Variants in LRMDA observed in about 807,000 individuals in gnomAD.
LRMDA encodes the protein leucine-rich melanocyte differentiation-associated protein.
A neutral mutation model predicts 29.8 loss-of-function variants in LRMDA; 18 were observed. That is an observed-to-expected ratio of 0.60 (90% CI 0.42 to 0.90). The LOEUF (loss-of-function observed/expected upper bound fraction) is 0.90, where lower values mean the gene tolerates loss of function less well. LRMDA is among the 40% of genes least tolerant of loss of function. The pLI, the probability that LRMDA is intolerant of heterozygous loss-of-function variation, is 0.00. For missense variants in LRMDA, 273 were observed against 273.9 expected (o/e 1.00, Z 0.02); for synonymous variants, 125 against 109.4 (o/e 1.14, Z -0.89).
At chr10:75,597,908 C>T (rs988280298) in intron 2 of LRMDA, among the ~76,000 whole-genome samples, 3 of 152,020 alleles carry the variant, frequency 2.0e-5, no homozygotes, top group African/African-American at 7.3e-5. Flanking sequence ...TGGGAGCTGT[C>T]AATGTGTCAA....
chr10:75,950,646 C>T (rs144905416), intron 2 of LRMDA, among the ~76,000 whole-genome samples: 111 of 152,332 alleles, frequency 7.3e-4, no homozygotes, highest in African/African-American at 2.5e-3. Flanking sequence ...AAGTCCTCTT[C>T]GGGGACTTGT....
chr10:76,198,125 A>G (rs1043615048), intron 5 of LRMDA, among the ~76,000 whole-genome samples: 1 of 152,130 alleles, frequency 6.6e-6, no homozygotes, highest in African/African-American at 2.4e-5. Context: ...CAAGACTTCT[A>G]CTTTCTTAAC....
intron 2 of LRMDA, among the ~76,000 whole-genome samples, chr10:75,977,880 C>T (rs1433700338): frequency 6.6e-6 from 1 of 151,918 alleles, no homozygotes; most frequent in Non-Finnish European, 1.5e-5. Context: ...GGACAAGGTA[C>T]TTAACCTCTC....
At chr10:75,776,811 T>C (rs1287980755) in intron 2 of LRMDA, among the ~76,000 whole-genome samples, 4 of 152,244 alleles carry the variant, frequency 2.6e-5, no homozygotes, top group Non-Finnish European at 5.9e-5. Flanking sequence ...AACGTGGCAT[T>C]GTTTAACATG....
chr10:76,074,066 A>G (rs1329244917), intron 5 of LRMDA, among the ~76,000 whole-genome samples: 1 of 152,152 alleles, frequency 6.6e-6, no homozygotes. Context: ...TTTGGGGAGG[A>G]AAAAAAGAGA....
At chr10:76,456,272 C>T (rs1203933818) in intron 6 of LRMDA, among the ~76,000 whole-genome samples, 1 of 152,116 alleles carries the variant, frequency 6.6e-6, no homozygotes, top group Non-Finnish European at 1.5e-5. Context: ...CAAATATATT[C>T]TGTAATTGGG....
intron 6 of LRMDA, among the ~76,000 whole-genome samples, chr10:76,435,257 G>A (rs1312291878): frequency 6.6e-6 from 1 of 152,170 alleles, no homozygotes; most frequent in Non-Finnish European, 1.5e-5. Flanking sequence ...ACTTCTCCAG[G>A]CCACACAGGA....
chr10:76,050,909 C>T (rs373463404), intron 4 of LRMDA, among the ~76,000 whole-genome samples: 1 of 152,224 alleles, frequency 6.6e-6, no homozygotes, highest in African/African-American at 2.4e-5. Flanking sequence ...GGTCTTTTAG[C>T]TCTTCCTCTG....
chr10:76,229,869 C>T lies in LRMDA; in HGVS notation c.517-94532C>T, dbSNP rs551791506. Among the ~76,000 whole-genome samples the T allele has an allele frequency of 7.6e-4, 115 of 152,216 alleles. 1 individual carries two copies. Among genetic ancestry groups the T allele is most frequent in the African/African-American group, 2.4e-3 (101 of 41,558 alleles). ...TGCTCCTTTGAGCCATTTTCGACTTCACCATTTTGCCCCTTAGTTCACTTT... is the reference window on the plus strand; with the variant it reads ...TGCTCCTTTGAGCCATTTTCGACTTTACCATTTTGCCCCTTAGTTCACTTT... On this transcript the variant is annotated intron_variant, in intron 5 of 6. Coordinates refer to ENST00000611255, the MANE Select transcript of LRMDA (RefSeq NM_001305581.2).
intron 2 of LRMDA, among the ~76,000 whole-genome samples, chr10:75,935,063 C>A (rs1846265196): frequency 6.6e-6 from 1 of 152,018 alleles, no homozygotes; most frequent in Non-Finnish European, 1.5e-5. Flanking sequence ...GTTTCTCATC[C>A]CAAAGGGAAC....
chr10:75,708,669 A>G (rs745720891), intron 2 of LRMDA, among the ~76,000 whole-genome samples: 7 of 152,154 alleles, frequency 4.6e-5, no homozygotes, highest in African/African-American at 4.8e-5. Context: ...TTAAAAAAAA[A>G]TCCCACCTCA....
At chr10:75,620,557 C>T (rs1841167998) in intron 2 of LRMDA, among the ~76,000 whole-genome samples, 1 of 152,164 alleles carries the variant, frequency 6.6e-6, no homozygotes, top group East Asian at 1.9e-4. Context: ...CTTGTGATCT[C>T]ACTCCTCTGG....
chr10:75,912,778 T>C (rs1316415367), intron 2 of LRMDA, among the ~76,000 whole-genome samples: 3 of 152,142 alleles, frequency 2.0e-5, no homozygotes. Flanking sequence ...TCTTTTAGGA[T>C]GAAGAAGCAG....
At chr10:76,380,648 G>A (rs1480987749) in intron 6 of LRMDA, among the ~76,000 whole-genome samples, 1 of 137,156 alleles carries the variant, frequency 7.3e-6, no homozygotes, top group African/African-American at 2.8e-5. Context: ...CAGCCTGGGC[G>A]ACAGAGCAAG....
Position 75,929,399 on chromosome 10 carries a change from G to T in LRMDA, c.132-106609G>T, listed in dbSNP as rs1271814652. On this transcript the variant is annotated intron_variant, in intron 2 of 6. Transcript: ENST00000611255. Reference sequence around the variant, plus strand: ...TGTGCATAGAGAAGATGTATGCACAGCCATACCATCGTTGGCCAACTGTTG... The same window carrying T: ...TGTGCATAGAGAAGATGTATGCACATCCATACCATCGTTGGCCAACTGTTG... 2.6e-5 allele frequency among the ~76,000 whole-genome samples: 4 copies of T among 152,226 alleles called. No homozygotes were observed. In the East Asian group the frequency reaches 7.7e-4, roughly 29 times the overall value.
At chr10:75,644,636 G>A (rs1276804690) in intron 2 of LRMDA, among the ~76,000 whole-genome samples, 1 of 152,178 alleles carries the variant, frequency 6.6e-6, no homozygotes, top group Non-Finnish European at 1.5e-5. Flanking sequence ...AGGGAAGGAT[G>A]CAGGCAGATG....
chr10:76,114,014 C>G (rs1849623997), intron 5 of LRMDA, among the ~76,000 whole-genome samples: 1 of 152,118 alleles, frequency 6.6e-6, no homozygotes, highest in African/African-American at 2.4e-5. Flanking sequence ...TTTTTTTCGG[C>G]CTGTCAGACT....
chr10:76,195,392 A>C (rs1006000742), intron 5 of LRMDA, among the ~76,000 whole-genome samples: 2 of 152,184 alleles, frequency 1.3e-5, no homozygotes, highest in Non-Finnish European at 2.9e-5. Flanking sequence ...GTGCCTTTTG[A>C]GGGTGACCAT....
chr10:75,918,017 C>G (rs548057214), intron 2 of LRMDA, among the ~76,000 whole-genome samples: 130 of 152,264 alleles, frequency 8.5e-4, no homozygotes, highest in Non-Finnish European at 1.6e-3. Flanking sequence ...ATTCCTGACA[C>G]CCCCAGAGCT....
Sources: allele counts gnomAD v4.1 joint callset (sites outside exome capture counted in the v4.1 genomes callset), GRCh38; gene constraint gnomAD v4.1.1; transcripts MANE v1.5; gene names NCBI Gene and HGNC (gene_info 2026-07-23, HGNC 2026-07-21).